The following JAKMIP1 variants were observed in gnomAD, a reference collection of about 807,000 sequenced individuals.
JAKMIP1 encodes the protein janus kinase and microtubule interacting protein 1, also known as janus kinase and microtubule-interacting protein 1.
A neutral mutation model predicts 113.0 loss-of-function variants in JAKMIP1; 33 were observed. That is an observed-to-expected ratio of 0.29 (90% CI 0.22 to 0.39). JAKMIP1 has a LOEUF of 0.39. Ranked by LOEUF, JAKMIP1 falls within the 10% of genes least tolerant of loss-of-function variation. JAKMIP1 has a pLI of 1.00. For synonymous variants in JAKMIP1, 480 were observed against 459.9 expected (o/e 1.04, Z -0.56); for missense variants, 813 against 1,080.5 (o/e 0.75, Z 3.47).
At chr4:6,062,960 T>C (rs1227679582) in intron 9 of JAKMIP1, among the ~76,000 whole-genome samples, 2 of 152,196 alleles carry the variant, frequency 1.3e-5, no homozygotes, top group Non-Finnish European at 2.9e-5. Context: ...CTGGCCAACA[T>C]GGCAAAACTC....
At chr4:6,091,157 G>A (rs1722015336) in intron 3 of JAKMIP1, among the ~76,000 whole-genome samples, 1 of 152,218 alleles carries the variant, frequency 6.6e-6, no homozygotes, top group Non-Finnish European at 1.5e-5. Context: ...GGGTGTGGGT[G>A]AATAGGAGAA....
At chr4:6,133,714 A>T (rs1176930441) in intron 1 of JAKMIP1, among the ~76,000 whole-genome samples, 1 of 152,216 alleles carries the variant, frequency 6.6e-6, no homozygotes, top group Non-Finnish European at 1.5e-5. Flanking sequence ...GCACCCCAGC[A>T]AGTGTGTTCC....
At chr4:6,127,910 C>T (rs538975381) in intron 1 of JAKMIP1, among the ~76,000 whole-genome samples, 5 of 152,356 alleles carry the variant, frequency 3.3e-5, no homozygotes, top group African/African-American at 9.6e-5. Context: ...CCCCAAAATG[C>T]GTCCACTCCC....
intron 3 of JAKMIP1, among the ~76,000 whole-genome samples, chr4:6,096,629 G>T (rs893243806): frequency 6.6e-6 from 1 of 152,208 alleles, no homozygotes; most frequent in Non-Finnish European, 1.5e-5. Flanking sequence ...GAGGATCCAT[G>T]GCCTGAGGCT....
At position 6,042,218 on chromosome 4, in the gene JAKMIP1, G is replaced by T. The variant is rs190671652; in HGVS notation, c.2038C>A (p.Gln680Lys). ...VLALCEKWLK[Q>K]IEGTEAALTQ... ...AGGGCGGCCTCGGTCCCCTCTATTT[G>T]CTTCAGCCACTAGAAAACAGCAGGG... The change falls in exon 17 of 21, where the codon CAA becomes AAA. Residue 680 changes from glutamine to lysine, a missense_variant. This residue lies in a region of JAKMIP1 where 273 missense variants were observed against 426.6 expected (regional missense o/e 0.64). Coordinates refer to ENST00000409021, the MANE Select transcript of JAKMIP1 (RefSeq NM_001099433.2). The surrounding 1 kb of genome is among the most constrained non-coding windows in gnomAD (Gnocchi z 5.2). 18 of 1,613,630 alleles carry T rather than the reference G, an allele frequency of 1.1e-5. No individual in the cohort carries two copies. The Admixed American group carries it at 2.3e-4, about 21-fold the overall frequency.
intron 12 of JAKMIP1, 57 bp downstream of exon 12, chr4:6,056,640 C>G (rs1716509927): frequency 7.3e-7 from 1 of 1,363,868 alleles, no homozygotes. Context: ...TCTGAGCAGG[C>G]CCGCGGGGTC....
At chr4:6,128,773 T>C (rs950067530) in intron 1 of JAKMIP1, among the ~76,000 whole-genome samples, 4 of 152,136 alleles carry the variant, frequency 2.6e-5, no homozygotes, top group Admixed American at 2.6e-4. Flanking sequence ...TCACAGGCCT[T>C]CAGGGTCTCC....
intron 1 of JAKMIP1, among the ~76,000 whole-genome samples, chr4:6,127,082 G>T (rs906026297): frequency 6.6e-6 from 1 of 152,090 alleles, no homozygotes; most frequent in African/African-American, 2.4e-5. Flanking sequence ...TGGTGGCTCC[G>T]AGCAGGGCAG....
chr4:6,125,876 C>G, intron 1 of JAKMIP1, among the ~76,000 whole-genome samples: 2 of 53,218 alleles, frequency 3.8e-5, no homozygotes, highest in Admixed American at 1.6e-4. Context: ...GCGCCATACA[C>G]TCCATACACA....
In JAKMIP1 at chr4:6,065,980, A is replaced by G. The variant is rs551141109; in HGVS notation, c.1303-972T>C. On this transcript the variant is annotated intron_variant, in intron 8 of 20. Coordinates refer to ENST00000409021, the MANE Select transcript of JAKMIP1 (RefSeq NM_001099433.2). The surrounding 1 kb of genome is among the most constrained non-coding windows in gnomAD (Gnocchi z 5.1). Reference sequence around the variant, plus strand: ...CCAGATCAATGTCTCTTATTTTAGGAACATAGCTTTTTTGGGTTTTTTTTT... The same window carrying G: ...CCAGATCAATGTCTCTTATTTTAGGGACATAGCTTTTTTGGGTTTTTTTTT... 4.7e-4 allele frequency among the ~76,000 whole-genome samples: 72 copies of G among 152,320 alleles called. No homozygotes were observed. Among genetic ancestry groups the G allele is most frequent in the Non-Finnish European group, 8.7e-4 (59 of 68,024 alleles).
rs1717735292 is a variant in JAKMIP1 at position 6,064,295 on chromosome 4, G to A, written c.1431+585C>T. On this transcript the variant is annotated intron_variant, in intron 9 of 20. Transcript: ENST00000409021. The surrounding 1 kb of genome is among the most constrained non-coding windows in gnomAD (Gnocchi z 4.3). ...CCTGGGGAAGGTGAGTGAGAACGAA[G>A]CTGGTCTTTGCCCCCTCACGAATCC... Among the ~76,000 whole-genome samples the A allele has an allele frequency of 6.6e-6, 1 of 152,246 alleles. No individual in the cohort carries two copies. The highest frequency in any genetic ancestry group is 1.5e-5 in the Non-Finnish European group (1 of 68,042).
At chr4:6,107,150 A>T (rs1490745138) in intron 2 of JAKMIP1, among the ~76,000 whole-genome samples, 2 of 152,182 alleles carry the variant, frequency 1.3e-5, no homozygotes, top group African/African-American at 4.8e-5. Flanking sequence ...GGGGGCAGCA[A>T]TCAGCATCTT....
At chr4:6,177,521 C>G in intron 1 of JAKMIP1, among the ~76,000 whole-genome samples, 1 of 152,192 alleles carries the variant, frequency 6.6e-6, no homozygotes, top group Non-Finnish European at 1.5e-5. Context: ...GAGAAAGAGC[C>G]TGGGCTTCCC....
At position 6,069,234 on chromosome 4, in the gene JAKMIP1, G is replaced by GTTT. The variant is rs1372077995; in HGVS notation, c.1303-4227_1303-4226insAAA. On this transcript the variant is annotated intron_variant, in intron 8 of 20. Coordinates refer to ENST00000409021, the MANE Select transcript of JAKMIP1 (RefSeq NM_001099433.2). The surrounding 1 kb of genome is among the most constrained non-coding windows in gnomAD (Gnocchi z 4.5). Reference sequence around the variant, plus strand: ...GCACACAGTGGGCTTTAAAAAAAATGGCAAACATGAAAGAAACTTCATTTT... The same window carrying GTTT: ...GCACACAGTGGGCTTTAAAAAAAATGTTTGCAAACATGAAAGAAACTTCATTTT... Among the ~76,000 whole-genome samples, 1 of 152,098 alleles carries GTTT rather than the reference G, an allele frequency of 6.6e-6. No homozygotes were observed. Among genetic ancestry groups the GTTT allele is most frequent in the African/African-American group, 2.4e-5 (1 of 41,412 alleles).
chr4:6,101,658 A>G (rs1379758376), intron 3 of JAKMIP1, among the ~76,000 whole-genome samples: 2 of 149,744 alleles, frequency 1.3e-5, no homozygotes, highest in African/African-American at 2.5e-5. Flanking sequence ...AGGCCAAGGC[A>G]GGTGGATCAC....
chr4:6,198,682 C>T (rs1330245372), intron 1 of JAKMIP1, among the ~76,000 whole-genome samples: 4 of 152,224 alleles, frequency 2.6e-5, no homozygotes, highest in Admixed American at 1.3e-4. Context: ...CTCCACTGTG[C>T]GCTACAACAT....
rs1434471730 is a variant in JAKMIP1 at position 6,031,916 on chromosome 4, A to AT, written c.2380-2136dup. On this transcript the variant is annotated intron_variant, in intron 19 of 20. Coordinates refer to ENST00000409021, the MANE Select transcript of JAKMIP1 (RefSeq NM_001099433.2). This position sits in a 1 kb window ranked among gnomAD's most constrained non-coding sequence, Gnocchi z 4.4. The stretch of plus-strand genomic sequence containing the variant: ...CTTGGCATTGAGCACTCCATATGTT[A>AT]TTTTTTTAAACTGATAATTTTCTAC... Among the ~76,000 whole-genome samples, 2 of 152,170 alleles carry AT rather than the reference A, an allele frequency of 1.3e-5. No individual in the cohort carries two copies. Among genetic ancestry groups the AT allele is most frequent in the African/African-American group, 4.8e-5 (2 of 41,444 alleles).
intron 1 of JAKMIP1, among the ~76,000 whole-genome samples, chr4:6,115,818 C>T (rs1715662528): frequency 6.6e-6 from 1 of 152,188 alleles, no homozygotes; most frequent in African/African-American, 2.4e-5. Flanking sequence ...AGGAGCAGCC[C>T]ACCGGCCTCG....
rs552905088 is a variant in JAKMIP1 at position 6,031,900 on chromosome 4, G to A, written c.2380-2119C>T. On this transcript the variant is annotated intron_variant, in intron 19 of 20. Coordinates refer to ENST00000409021, the MANE Select transcript of JAKMIP1 (RefSeq NM_001099433.2). This position sits in a 1 kb window ranked among gnomAD's most constrained non-coding sequence, Gnocchi z 4.4. ...AGTGTTTAGAGCAGAGCTTGGCATT[G>A]AGCACTCCATATGTTATTTTTTTAA... Among the ~76,000 whole-genome samples the A allele has an allele frequency of 1.8e-4, 27 of 152,288 alleles. 1 individual carries two copies. The highest frequency in any genetic ancestry group is 1.5e-3 in the Admixed American group (23 of 15,302).
Sources: allele counts gnomAD v4.1 joint callset (sites outside exome capture counted in the v4.1 genomes callset), GRCh38; gene constraint gnomAD v4.1.1; regional missense constraint gnomAD v4.1.1; non-coding constraint Gnocchi (gnomAD v3.1); transcripts MANE v1.5; gene names NCBI Gene and HGNC (gene_info 2026-07-23, HGNC 2026-07-21).